SDK1: variants seen among roughly 807,000 people sequenced by gnomAD.
SDK1 encodes the protein sidekick cell adhesion molecule 1.
A neutral mutation model predicts 245.5 loss-of-function variants in SDK1; 157 were observed. The ratio of observed to expected loss-of-function variants is 0.64; its 90% confidence interval spans 0.56 to 0.73. The LOEUF is 0.73. SDK1 is among the 30% of genes least tolerant of loss of function. SDK1 has a pLI of 0.00. For synonymous variants in SDK1, 1,647 were observed against 1,278.5 expected, an observed-to-expected ratio of 1.29 and a Z score of -6.15; for missense variants, 3,583 against 3,002.3, an observed-to-expected ratio of 1.19 and a Z score of -4.52.
rs1259621028 is a variant in SDK1 at position 4,139,651 on chromosome 7, G to GTGTGTGTATA, written c.4229-6064_4229-6063insATATGTGTGT. On this transcript the variant is annotated intron_variant, in intron 28 of 44. Coordinates refer to ENST00000404826, the MANE Select transcript of SDK1 (RefSeq NM_152744.4). ...TATATGTATATATGTGTGTGTATAT[G>GTGTGTGTATA]TGTGTGTGTATATGTGTGTGTGTAT... Among the ~76,000 whole-genome samples the GTGTGTGTATA allele has an allele frequency of 2.2e-3, 48 of 21,808 alleles. 1 individual carries two copies. Among genetic ancestry groups the GTGTGTGTATA allele is most frequent in the Middle Eastern group, 0.016 (1 of 64 alleles). The allele number at this position is 21,808 out of a possible 152,430, so 14.3% of individuals were successfully genotyped here.
chr7:3,434,423 C>G (rs1388317664), intron 1 of SDK1, among the ~76,000 whole-genome samples: 1 of 152,194 alleles, frequency 6.6e-6, no homozygotes, highest in African/African-American at 2.4e-5. Flanking sequence ...GTGGTTTACC[C>G]TGAGGAAGTT....
At chr7:3,455,601 T>A (rs1240936501) in intron 1 of SDK1, among the ~76,000 whole-genome samples, 1 of 152,168 alleles carries the variant, frequency 6.6e-6, no homozygotes, top group African/African-American at 2.4e-5. Context: ...TCTTACTGTG[T>A]GTCTTTCTGG....
chr7:3,397,758 G>T (rs1017127345), intron 1 of SDK1, among the ~76,000 whole-genome samples: 1 of 151,802 alleles, frequency 6.6e-6, no homozygotes, highest in South Asian at 2.1e-4. Context: ...GTGTTTTTGC[G>T]GTTTTTAAAA....
chr7:3,582,798 C>T (rs983316633), intron 1 of SDK1, among the ~76,000 whole-genome samples: 1 of 150,810 alleles, frequency 6.6e-6, no homozygotes, highest in African/African-American at 2.4e-5. Flanking sequence ...CTTTCACGTT[C>T]TCCAGGCTCT....
chr7:3,480,946 C>G (rs1781503326), intron 1 of SDK1, among the ~76,000 whole-genome samples: 1 of 152,110 alleles, frequency 6.6e-6, no homozygotes, highest in Non-Finnish European at 1.5e-5. Context: ...CTGTTGGTAT[C>G]CTTGTGTTTT....
At chr7:3,839,005 A>C (rs545350007) in intron 5 of SDK1, among the ~76,000 whole-genome samples, 3 of 152,254 alleles carry the variant, frequency 2.0e-5, no homozygotes, top group African/African-American at 7.2e-5. Context: ...GATGGTGTTC[A>C]TCTAGAGCAG....
At chr7:4,224,546 C>T (rs1047551358) in intron 40 of SDK1, among the ~76,000 whole-genome samples, 1 of 152,162 alleles carries the variant, frequency 6.6e-6, no homozygotes, top group African/African-American at 2.4e-5. Context: ...CCCCCAACAC[C>T]GGGGACGATA....
At chr7:3,499,134 ATTTG>A (rs942725294) in intron 1 of SDK1, among the ~76,000 whole-genome samples, 1 of 152,208 alleles carries the variant, frequency 6.6e-6, no homozygotes, top group Non-Finnish European at 1.5e-5. Context: ...TACTGGAATT[ATTTG>A]TTTGGAAAAA....
chr7:3,891,296 TTTTCGTGGC>T (rs1781452695), intron 5 of SDK1, among the ~76,000 whole-genome samples: 1 of 152,020 alleles, frequency 6.6e-6, no homozygotes, highest in South Asian at 2.1e-4. Flanking sequence ...CAGGCCGTGG[TTTTCGTGGC>T]TCTGAATCTG....
At chr7:3,553,121 A>G (rs1407764236) in intron 1 of SDK1, among the ~76,000 whole-genome samples, 1 of 152,008 alleles carries the variant, frequency 6.6e-6, no homozygotes, top group Non-Finnish European at 1.5e-5. Context: ...CTATTCATAT[A>G]TTTTTCATAA....
intron 1 of SDK1, among the ~76,000 whole-genome samples, chr7:3,563,805 G>T (rs1779822830): frequency 6.6e-6 from 1 of 152,100 alleles, no homozygotes; most frequent in Non-Finnish European, 1.5e-5. Flanking sequence ...TGCCATATAA[G>T]AAGCCTCAAT....
At chr7:4,235,968 C>G (rs1786138832) in intron 41 of SDK1, among the ~76,000 whole-genome samples, 1 of 152,236 alleles carries the variant, frequency 6.6e-6, no homozygotes, top group Non-Finnish European at 1.5e-5. Context: ...GTAAGTGTGG[C>G]ATGCGTCAGA....
intron 1 of SDK1, among the ~76,000 whole-genome samples, chr7:3,365,813 AC>A (rs1327399002): frequency 1.8e-5 from 2 of 112,068 alleles, no homozygotes; most frequent in Non-Finnish European, 4.3e-5. Flanking sequence ...TGGGTGTATC[AC>A]CTGAGGTCAG....
chr7:3,787,569 T>G (rs1243827281), intron 4 of SDK1, among the ~76,000 whole-genome samples: 1 of 152,182 alleles, frequency 6.6e-6, no homozygotes, highest in African/African-American at 2.4e-5. Context: ...TCAATTTCTG[T>G]GTCTAAGTGA....
At chr7:3,371,085 A>G (rs1781215959) in intron 1 of SDK1, among the ~76,000 whole-genome samples, 1 of 152,172 alleles carries the variant, frequency 6.6e-6, no homozygotes, top group Non-Finnish European at 1.5e-5. Flanking sequence ...GATACATGTG[A>G]CAGTTGACAA....
chr7:3,445,181 T>C (rs1187145385), intron 1 of SDK1, among the ~76,000 whole-genome samples: 1 of 152,222 alleles, frequency 6.6e-6, no homozygotes, highest in African/African-American at 2.4e-5. Context: ...GTTCACCTTA[T>C]TAACAGGTCA....
chr7:4,267,178 CCCTT>C lies in SDK1; in HGVS notation c.*1801_*1804del. On this transcript the variant is annotated 3_prime_UTR_variant, in exon 45 of 45. Transcript: ENST00000404826. ...TGGCAAGTTTCCTTTTTTCTCTCCT[CCCTT>C]CCTTCCCCTCCTTCCTTTCCTTTAC... 6 of 971,746 alleles carry C rather than the reference CCCTT, an allele frequency of 6.2e-6. No homozygotes were observed. Among genetic ancestry groups the C allele is most frequent in the Non-Finnish European group, 7.3e-6 (6 of 817,824 alleles). The allele number at this position is 971,746 out of a possible 1,614,324, so 60.2% of individuals were successfully genotyped here.
intron 4 of SDK1, among the ~76,000 whole-genome samples, chr7:3,687,719 G>C (rs1457444007): frequency 6.6e-6 from 1 of 152,204 alleles, no homozygotes; most frequent in Non-Finnish European, 1.5e-5. Flanking sequence ...GGTCAGCAAA[G>C]CAGCGGAGAG....
intron 1 of SDK1, among the ~76,000 whole-genome samples, chr7:3,396,221 G>A (rs1209381111): frequency 1.3e-5 from 2 of 151,406 alleles, no homozygotes; most frequent in South Asian, 2.1e-4. Flanking sequence ...TCTTTGACCC[G>A]TATTTAGAAA....
Sources: allele counts gnomAD v4.1 joint callset (sites outside exome capture counted in the v4.1 genomes callset), GRCh38; gene constraint gnomAD v4.1.1; transcripts MANE v1.5; gene names NCBI Gene and HGNC (gene_info 2026-07-23, HGNC 2026-07-21).